The following TMEM233 variants were observed in gnomAD, a reference collection of about 807,000 sequenced individuals.
TMEM233 encodes dispanin subfamily B member 2.
A neutral mutation model predicts 11.2 loss-of-function variants in TMEM233; 6 were observed. The ratio of observed to expected loss-of-function variants is 0.54; its 90% CI spans 0.29 to 1.06. The LOEUF is 1.06. Among genes scored for constraint, TMEM233 ranks in the 50% least tolerant of loss-of-function variants. The pLI is 0.08. For synonymous variants in TMEM233, 59 were observed against 55.8 expected (o/e 1.06, Z -0.26); for missense variants, 127 against 144.7 (o/e 0.88, Z 0.63).
intron 1 of TMEM233, among the ~76,000 whole-genome samples, chr12:119,604,700 A>G (rs951191566): frequency 6.6e-6 from 1 of 152,082 alleles, no homozygotes; most frequent in Non-Finnish European, 1.5e-5. Context: ...CAATGGTGCA[A>G]TCATGGCTCA....
chr12:119,628,279 C>T (rs1358410728), intron 1 of TMEM233, among the ~76,000 whole-genome samples: 1 of 151,980 alleles, frequency 6.6e-6, no homozygotes, highest in East Asian at 1.9e-4. Flanking sequence ...CCTGCCTCAG[C>T]TTCCCGAGTA....
intron 2 of TMEM233, among the ~76,000 whole-genome samples, chr12:119,630,622 T>A (rs1178060518): frequency 1.3e-5 from 2 of 152,206 alleles, no homozygotes; most frequent in Non-Finnish European, 2.9e-5. Flanking sequence ...CAACTTCAGA[T>A]CTAGAACATG....
At chr12:119,637,288 T>C (rs551853053) in intron 2 of TMEM233, among the ~76,000 whole-genome samples, 2 of 152,336 alleles carry the variant, frequency 1.3e-5, no homozygotes, top group Admixed American at 1.3e-4. Context: ...AAATGCTTGC[T>C]TGCCATTCTT....
At chr12:119,608,777 A>G (rs1021942547) in intron 1 of TMEM233, among the ~76,000 whole-genome samples, 2 of 152,234 alleles carry the variant, frequency 1.3e-5, no homozygotes, top group African/African-American at 4.8e-5. Flanking sequence ...CCATCCTTCA[A>G]GGGTAGAAAT....
At chr12:119,640,303 C>T (rs531328651) in intron 2 of TMEM233, among the ~76,000 whole-genome samples, 470 of 152,158 alleles carry the variant, frequency 3.1e-3, no homozygotes, top group Non-Finnish European at 4.8e-3. Flanking sequence ...TACAGGCACC[C>T]GCCACCACGC....
chr12:119,640,100 G>A (rs1439215609), intron 2 of TMEM233, among the ~76,000 whole-genome samples: 2 of 152,156 alleles, frequency 1.3e-5, no homozygotes, highest in Admixed American at 1.3e-4. Context: ...AGGAGAGTGA[G>A]GTTCGGAAAT....
At chr12:119,615,173 TAAAAAAAAAAA>T (rs60318959) in intron 1 of TMEM233, among the ~76,000 whole-genome samples, 20 of 56,200 alleles carry the variant, frequency 3.6e-4, no homozygotes, top group South Asian at 1.2e-3. Context: ...CGCTTTCTGC[TAAAAAAAAAAA>T]AAAAAAAAAA....
At chr12:119,612,410 T>C (rs949066974) in intron 1 of TMEM233, among the ~76,000 whole-genome samples, 1 of 151,864 alleles carries the variant, frequency 6.6e-6, no homozygotes, top group Non-Finnish European at 1.5e-5. Flanking sequence ...AGCTCAGGAG[T>C]TCCAGACCAG....
chr12:119,594,348 C>T lies in TMEM233; in HGVS notation c.186+314C>T. 2 of 332,522 alleles carry T rather than the reference C, an allele frequency of 6.0e-6. No homozygotes were observed. The highest frequency in any genetic ancestry group is 1.1e-5 in the Non-Finnish European group (2 of 179,492). The allele number at this position is 332,522 out of a possible 1,614,324, so 20.6% of individuals were successfully genotyped here. A position where few individuals can be genotyped will look rare whatever the true frequency, so the allele number is the denominator to read the frequency against. ...CGGGGAAGTTCTTCCGTGGACTTTG[C>T]TGACTCCTCTGACCTTCCTAGGCAC... On this transcript the variant is annotated intron_variant, in intron 1 of 2. Coordinates refer to ENST00000426426, the MANE Select transcript of TMEM233 (RefSeq NM_001136534.3). This position sits in a 1 kb window ranked among gnomAD's most constrained non-coding sequence, Gnocchi z 5.6.
chr12:119,643,783 G>A (rs142800980), downstream of TMEM233, among the ~76,000 whole-genome samples: 722 of 151,426 alleles, frequency 4.8e-3, 8 homozygotes, highest in African/African-American at 0.016. Context: ...AAAAAAAAAG[G>A]TGTATTATCA....
intron 1 of TMEM233, among the ~76,000 whole-genome samples, chr12:119,601,048 C>A (rs1357820824): frequency 6.6e-6 from 1 of 151,850 alleles, no homozygotes; most frequent in East Asian, 1.9e-4. Flanking sequence ...TACTCATTCC[C>A]AGAAATCTAA....
chr12:119,628,441 G>A (rs554371424), intron 1 of TMEM233, among the ~76,000 whole-genome samples: 47 of 149,664 alleles, frequency 3.1e-4, no homozygotes, highest in African/African-American at 9.6e-4. Context: ...GATTACAGGC[G>A]TGAGCCAGCA....
chr12:119,650,332 A>G, the TMEM233 span, among the ~76,000 whole-genome samples: 2 of 152,208 alleles, frequency 1.3e-5, no homozygotes, highest in Non-Finnish European at 2.9e-5. Context: ...GAAGAGTTAA[A>G]TAATTTGTCT....
At chr12:119,612,682 C>T (rs1458167827) in intron 1 of TMEM233, among the ~76,000 whole-genome samples, 2 of 145,096 alleles carry the variant, frequency 1.4e-5, no homozygotes, top group African/African-American at 5.2e-5. Context: ...AACCGGGAGG[C>T]GGAGGTTGCA....
At chr12:119,651,983 T>C in the TMEM233 span, among the ~76,000 whole-genome samples, 1 of 152,072 alleles carries the variant, frequency 6.6e-6, no homozygotes, top group Non-Finnish European at 1.5e-5. Context: ...AACAAAAGCA[T>C]AGGAAACCAA....
chr12:119,601,497 A>T (rs899862216), intron 1 of TMEM233, among the ~76,000 whole-genome samples: 1 of 151,836 alleles, frequency 6.6e-6, no homozygotes, highest in African/African-American at 2.4e-5. Context: ...TCTACTAAAA[A>T]TGCAAAAAAA....
chr12:119,629,714 G>T, intron 1 of TMEM233, 22 bp from the exon 2 acceptor site: 1 of 1,544,272 alleles, frequency 6.5e-7, no homozygotes, highest in Non-Finnish European at 8.7e-7. Context: ...GTCATCACCA[G>T]CTCTTCCCTT....
chr12:119,624,695 G>A lies in TMEM233; in HGVS notation c.187-5041G>A, dbSNP rs192921596. Among the ~76,000 whole-genome samples the A allele has an allele frequency of 2.0e-5, 3 of 152,308 alleles. No homozygotes were observed. In the East Asian group the frequency reaches 5.8e-4, roughly 29 times the overall value. On this transcript the variant is annotated intron_variant, in intron 1 of 2. Transcript: ENST00000426426. Reference sequence around the variant, plus strand: ...CAGGGGCTGGGGAGAGGATGAATGGGAGTGAGTATTTTACAGGTATGGAGT... The same window carrying A: ...CAGGGGCTGGGGAGAGGATGAATGGAAGTGAGTATTTTACAGGTATGGAGT...
chr12:119,634,149 T>G (rs2136787063), intron 2 of TMEM233: 1 of 544,848 alleles, frequency 1.8e-6, no homozygotes, highest in Non-Finnish European at 2.3e-6. Context: ...AACCCAATGC[T>G]AGGGAGGGGA....
Sources: allele counts gnomAD v4.1 joint callset (sites outside exome capture counted in the v4.1 genomes callset), GRCh38; gene constraint gnomAD v4.1.1; non-coding constraint Gnocchi (gnomAD v3.1); transcripts MANE v1.5; gene names NCBI Gene and HGNC (gene_info 2026-07-23, HGNC 2026-07-21).